The following P4HA1 variants were observed in gnomAD, a reference collection of about 807,000 sequenced individuals.
P4HA1 encodes the protein prolyl 4-hydroxylase subunit alpha-1.
Under a neutral mutation model 72.8 loss-of-function variants are expected in P4HA1, and 24 were observed. That is an observed-to-expected ratio of 0.33 (90% CI 0.24 to 0.46). The LOEUF (loss-of-function observed/expected upper bound fraction) is 0.46, where lower values mean the gene tolerates loss of function less well. Among genes scored for constraint, P4HA1 ranks in the 20% least tolerant of loss-of-function variants. The pLI is 1.00. For synonymous variants in P4HA1, 201 were observed against 218.8 expected (o/e 0.92, Z 0.72); for missense variants, 446 against 640.6 (o/e 0.70, Z 3.28).
At chr10:73,059,730 A>T (rs548179061) in intron 5 of P4HA1, among the ~76,000 whole-genome samples, 1 of 151,006 alleles carries the variant, frequency 6.6e-6, no homozygotes, top group South Asian at 2.1e-4. Flanking sequence ...GCGACAGAGC[A>T]AGACTCCATC....
In P4HA1 at chr10:73,037,550, TATATATATATATA is replaced by T. The variant is rs1357000866; in HGVS notation, c.1149-7193_1149-7181del. Among the ~76,000 whole-genome samples the T allele has an allele frequency of 8.5e-4, 26 of 30,448 alleles. 1 individual carries two copies. Among genetic ancestry groups the T allele is most frequent in the African/African-American group, 3.2e-3 (25 of 7,744 alleles). The allele number at this position is 30,448 out of a possible 152,430, so 20.0% of individuals were successfully genotyped here. A position where few individuals can be genotyped will look rare whatever the true frequency, so the allele number is the denominator to read the frequency against. ...CTATATATATATATATATATATATATATATATATATATATATATATATTTTTTTTTTTTTTTTT... is the reference window on the plus strand; with the variant it reads ...CTATATATATATATATATATATATATTATATATATTTTTTTTTTTTTTTTT... On this transcript the variant is annotated intron_variant, in intron 9 of 14. Coordinates refer to ENST00000394890, the MANE Select transcript of P4HA1 (RefSeq NM_001017962.3).
At chr10:73,080,235 A>G (rs1377092033) in intron 1 of P4HA1, among the ~76,000 whole-genome samples, 2 of 152,372 alleles carry the variant, frequency 1.3e-5, no homozygotes, top group Non-Finnish European at 2.9e-5. Flanking sequence ...CCCATACAAC[A>G]TTATTCCAAA....
intron 3 of P4HA1, among the ~76,000 whole-genome samples, chr10:73,072,381 T>C: frequency 6.6e-6 from 1 of 152,364 alleles, no homozygotes; most frequent in South Asian, 2.1e-4. Context: ...ATAGGACTTT[T>C]TGTTTTAATT....
chr10:73,013,494 G>A (rs902778458), intron 12 of P4HA1, among the ~76,000 whole-genome samples: 1 of 152,182 alleles, frequency 6.6e-6, no homozygotes, highest in South Asian at 2.1e-4. Context: ...GCATTTGACG[G>A]CAAATACATG....
At chr10:73,078,592 A>G (rs921057514) in intron 1 of P4HA1, among the ~76,000 whole-genome samples, 8 of 149,238 alleles carry the variant, frequency 5.4e-5, no homozygotes, top group African/African-American at 1.5e-4. Context: ...TTAGCAAAGC[A>G]GTAGGTAATT....
At chr10:73,033,065 T>C (rs574143973) in intron 9 of P4HA1, among the ~76,000 whole-genome samples, 4 of 152,318 alleles carry the variant, frequency 2.6e-5, no homozygotes, top group Middle Eastern at 6.8e-3. Flanking sequence ...AATTTTTTTC[T>C]TCTAATTCTG....
chr10:73,038,622 C>CTTTTTTT (rs745518781), intron 9 of P4HA1, among the ~76,000 whole-genome samples: 2 of 108,820 alleles, frequency 1.8e-5, no homozygotes, highest in Non-Finnish European at 1.8e-5. Flanking sequence ...TTTTTATTTG[C>CTTTTTTT]TTTTTTTTTT....
At chr10:73,041,274 C>T (rs911966440) in intron 9 of P4HA1, among the ~76,000 whole-genome samples, 2 of 151,994 alleles carry the variant, frequency 1.3e-5, no homozygotes, top group Admixed American at 6.6e-5. Flanking sequence ...AGGCCAGGCA[C>T]GGGCTCATGC....
At chr10:73,020,953 G>A (rs532706467) in intron 10 of P4HA1, among the ~76,000 whole-genome samples, 36 of 152,190 alleles carry the variant, frequency 2.4e-4, no homozygotes, top group African/African-American at 8.7e-4. Context: ...TGGCCAACAT[G>A]GTAAAACCCT....
At chr10:73,015,102 A>G (rs984918234) in intron 11 of P4HA1, among the ~76,000 whole-genome samples, 1 of 152,066 alleles carries the variant, frequency 6.6e-6, no homozygotes, top group South Asian at 2.1e-4. Flanking sequence ...AAGTGCTGGG[A>G]TTACAGGCAT....
intron 9 of P4HA1, among the ~76,000 whole-genome samples, chr10:73,037,308 T>TAAAAA (rs202154662): frequency 8.3e-6 from 1 of 120,120 alleles, no homozygotes; most frequent in African/African-American, 3.1e-5. Flanking sequence ...TTTCCGCTGT[T>TAAAAA]AAAAAAAAAA....
At chr10:73,056,835 C>G (rs1164637270) in intron 5 of P4HA1, among the ~76,000 whole-genome samples, 1 of 151,594 alleles carries the variant, frequency 6.6e-6, no homozygotes, top group African/African-American at 2.4e-5. Context: ...CTGAGGCAGG[C>G]GGATCATGAG....
chr10:73,070,136 C>G (rs1339839498), intron 4 of P4HA1, among the ~76,000 whole-genome samples: 2 of 140,660 alleles, frequency 1.4e-5, no homozygotes, highest in Non-Finnish European at 3.0e-5. Flanking sequence ...CAGCAAGAGA[C>G]CAGGCCTTTT....
At chr10:73,027,638 GGA>G (rs1299526497) in intron 10 of P4HA1, among the ~76,000 whole-genome samples, 3 of 110,386 alleles carry the variant, frequency 2.7e-5, no homozygotes, top group African/African-American at 1.1e-4. Flanking sequence ...AGGGAGTCAG[GGA>G]GGGGGAGGGG....
intron 9 of P4HA1, among the ~76,000 whole-genome samples, chr10:73,039,493 G>C (rs975532609): frequency 4.0e-5 from 6 of 151,828 alleles, no homozygotes; most frequent in Admixed American, 1.3e-4. Flanking sequence ...ATTTTTAGTA[G>C]AGATGGGGTT....
At chr10:73,028,948 G>A (rs1237209833) in intron 10 of P4HA1, among the ~76,000 whole-genome samples, 1 of 151,950 alleles carries the variant, frequency 6.6e-6, no homozygotes, top group Non-Finnish European at 1.5e-5. Context: ...GGGAGGCTGA[G>A]GCAGGAGAAT....
At chr10:73,065,683 A>G (rs1330783094) in intron 5 of P4HA1, among the ~76,000 whole-genome samples, 7 of 152,146 alleles carry the variant, frequency 4.6e-5, no homozygotes, top group African/African-American at 1.7e-4. Context: ...ATCTGGCCAC[A>G]TCTGGTAAGT....
intron 5 of P4HA1, among the ~76,000 whole-genome samples, chr10:73,064,678 T>C (rs1039380939): frequency 5.9e-5 from 9 of 151,732 alleles, no homozygotes; most frequent in African/African-American, 2.2e-4. Flanking sequence ...TCATCTCTAC[T>C]AAAAATAACA....
intron 1 of P4HA1, among the ~76,000 whole-genome samples, chr10:73,090,567 C>T (rs1426664336): frequency 1.3e-5 from 2 of 152,098 alleles, no homozygotes; most frequent in Non-Finnish European, 2.9e-5. Flanking sequence ...CAATTTTGCT[C>T]AATAAAGTCG....
Sources: gnomAD v4.1 joint callset for allele counts (sites outside exome capture counted in the v4.1 genomes callset) on GRCh38, gnomAD v4.1.1 for gene constraint, MANE v1.5 for transcripts, NCBI Gene and HGNC (gene_info 2026-07-23, HGNC 2026-07-21) for gene names.